Variants in FAM171B observed in about 807,000 individuals in gnomAD.
The protein encoded by FAM171B is protein FAM171B.
Under a neutral mutation model 75.6 loss-of-function variants are expected in FAM171B, and 19 were observed. The ratio of observed to expected loss-of-function variants is 0.25; its 90% CI spans 0.18 to 0.37. The LOEUF is 0.37. FAM171B is among the 10% of genes least tolerant of loss of function. The pLI, the probability that FAM171B is intolerant of heterozygous loss-of-function variation, is 1.00. For missense variants in FAM171B, 848 were observed against 982.4 expected, an observed-to-expected ratio of 0.86 and a Z score of 1.83; for synonymous variants, 367 against 361.7, an observed-to-expected ratio of 1.01 and a Z score of -0.17.
At chr2:186,752,038 G>T (rs557076024) in intron 5 of FAM171B, among the ~76,000 whole-genome samples, 5 of 152,240 alleles carry the variant, frequency 3.3e-5, no homozygotes, top group Admixed American at 3.3e-4. Flanking sequence ...TTTCTAGGAT[G>T]GGATTTCCCT....
chr2:186,697,160 A>T (rs1689595325), intron 1 of FAM171B, among the ~76,000 whole-genome samples: 2 of 152,216 alleles, frequency 1.3e-5, no homozygotes, highest in South Asian at 4.1e-4. Flanking sequence ...TTGTAAGTAG[A>T]AGTTATAAAG....
At position 186,761,119 on chromosome 2, in the gene FAM171B, G is replaced by A. The variant is rs566958360; in HGVS notation, c.1019G>A (p.Gly340Asp). Residue 340 changes from glycine (G) to aspartate (D), a missense_variant, in exon 7 of 8, where the codon GGT (glycine) becomes GAT (aspartate). By Grantham distance (94) the Gly-to-Asp change is moderately conservative. Coordinates refer to ENST00000304698, the MANE Select transcript of FAM171B (RefSeq NM_177454.4). ...AAPLPGTRGS[G>D]INEDSKDITA... ...TTTATATTGAACCATGTAGGTTCAGGTATAAATGAAGATTCCAAGGACATA... is the reference window on the plus strand; with the variant it reads ...TTTATATTGAACCATGTAGGTTCAGATATAAATGAAGATTCCAAGGACATA... The A allele has an allele frequency of 1.2e-6, 2 of 1,608,304 alleles. No homozygotes were observed. Among genetic ancestry groups the A allele is most frequent in the Non-Finnish European group, 1.7e-6 (2 of 1,177,488 alleles).
chr2:186,726,338 G>A (rs1690032595), intron 1 of FAM171B, among the ~76,000 whole-genome samples: 1 of 152,046 alleles, frequency 6.6e-6, no homozygotes, highest in Non-Finnish European at 1.5e-5. Flanking sequence ...TGGGGCTTAA[G>A]CAATGAAAAG....
At position 186,747,221 on chromosome 2, in the gene FAM171B, A is replaced by C; in HGVS notation, c.695A>C (p.His232Pro). The change falls in exon 4 of 8, where the codon CAT becomes CCT. Residue 232 changes from histidine (H) to proline (P), a missense_variant. This residue lies in a region of FAM171B where 665 missense variants were observed against 729.0 expected (regional missense o/e 0.91). Coordinates refer to ENST00000304698, the MANE Select transcript of FAM171B (RefSeq NM_177454.4). ...TTTTTGAAAGTGGACAATTTTCTGC[A>C]TACAACTGGAATTACTCTCAATAAA... is the stretch of plus-strand genomic sequence containing the variant. ...QQFLKVDNFL[H>P]TTGITLNKPG... The C allele has an allele frequency of 6.2e-7, 1 of 1,605,540 alleles. No individual in the cohort carries two copies. Among genetic ancestry groups the C allele is most frequent in the Non-Finnish European group, 8.5e-7 (1 of 1,177,194 alleles).
rs139775844 is a variant in FAM171B, at chr2:186,751,347, TG to T, written c.895+44del. On this transcript the variant is annotated intron_variant, in intron 5 of 7. Coordinates refer to ENST00000304698, the MANE Select transcript of FAM171B (RefSeq NM_177454.4). ...AAATAGTCTGAATATTTTACATATTTGTCAATTGACTAGCTGGATGTTTTAT... is the reference window on the plus strand; with the variant it reads ...AAATAGTCTGAATATTTTACATATTTTCAATTGACTAGCTGGATGTTTTAT... The T allele has an allele frequency of 3.6e-3, 5,204 of 1,453,088 alleles. 189 individuals are homozygous for T. The African/African-American group carries it at 0.067, about 19-fold the overall frequency. 90.0% of individuals were successfully genotyped at this position (1,453,088 alleles called of 1,614,324 possible). A position where few individuals can be genotyped will look rare whatever the true frequency, so the allele number is the denominator to read the frequency against.
At chr2:186,709,319 T>G (rs1689778869) in intron 1 of FAM171B, among the ~76,000 whole-genome samples, 1 of 152,178 alleles carries the variant, frequency 6.6e-6, no homozygotes, top group Non-Finnish European at 1.5e-5. Flanking sequence ...ATTTTACATT[T>G]TATTTCCTAT....
intron 1 of FAM171B, among the ~76,000 whole-genome samples, chr2:186,724,810 C>T (rs1690007415): frequency 6.6e-6 from 1 of 152,054 alleles, no homozygotes; most frequent in Admixed American, 6.5e-5. Context: ...CATTGTGGAT[C>T]AGAATGGATG....
chr2:186,742,929 A>G (rs1463589248), intron 2 of FAM171B, among the ~76,000 whole-genome samples: 1 of 152,118 alleles, frequency 6.6e-6, no homozygotes. Flanking sequence ...ATCCTGCATT[A>G]CTACTAAAGG....
At chr2:186,755,441 A>C (rs1035467017) in intron 6 of FAM171B, among the ~76,000 whole-genome samples, 4 of 152,216 alleles carry the variant, frequency 2.6e-5, no homozygotes, top group African/African-American at 9.6e-5. Context: ...GTCATTTTTC[A>C]GAGATAATTC....
chr2:186,705,228 T>C (rs545944383), intron 1 of FAM171B, among the ~76,000 whole-genome samples: 1 of 152,300 alleles, frequency 6.6e-6, no homozygotes, highest in African/African-American at 2.4e-5. Flanking sequence ...CATTAAAGGA[T>C]GGTTTATGCA....
Position 186,694,149 on chromosome 2 carries a change from C to T in FAM171B, c.-25C>T, listed in dbSNP as rs972423958. The T allele has an allele frequency of 6.5e-7, 1 of 1,528,030 alleles. No individual in the cohort carries two copies. Among genetic ancestry groups the T allele is most frequent in the Non-Finnish European group, 8.7e-7 (1 of 1,144,504 alleles). 94.7% of individuals were successfully genotyped at this position (1,528,030 alleles called of 1,614,324 possible). A position where few individuals can be genotyped will look rare whatever the true frequency, so the allele number is the denominator to read the frequency against. On this transcript the variant is annotated 5_prime_UTR_variant, in exon 1 of 8. Transcript: ENST00000304698. ...CGCCGCCCGGAGCCCCGCAATATGC[C>T]GCCGCGGCCCTCTGGCTCTAGGCCA...
intron 1 of FAM171B, among the ~76,000 whole-genome samples, chr2:186,700,390 T>C (rs1689639772): frequency 6.6e-6 from 1 of 152,174 alleles, no homozygotes. Flanking sequence ...AGTTTCTTCA[T>C]AGCCCCTTCC....
Position 186,743,521 on chromosome 2 carries a change from C to G in FAM171B, c.511C>G (p.Gln171Glu). 1 of 1,613,144 alleles carries G rather than the reference C, an allele frequency of 6.2e-7. No homozygotes were observed. The highest frequency in any genetic ancestry group is 1.1e-5 in the South Asian group (1 of 91,024). Residue 171 changes from glutamine to glutamate, a missense_variant, in exon 3 of 8, where the codon CAA (glutamine) becomes GAA (glutamate). By Grantham distance (29) the Gln-to-Glu change is conservative (BLOSUM62 2). This residue lies in a region of FAM171B where 665 missense variants were observed against 729.0 expected (regional missense o/e 0.91). Transcript: ENST00000304698. ...TACACTTTCACTGTTCCCGCAAAGC[C>G]AAGCAAATATATGGCTATTTGAAGA... ...SVTLSLFPQS[Q>E]ANIWLFEDTV... is the part of the protein sequence containing the mutation.
In FAM171B at chr2:186,709,167, C is replaced by T. The variant is rs1689774659; in HGVS notation, c.238+14756C>T. Among the ~76,000 whole-genome samples the T allele has an allele frequency of 2.6e-5, 4 of 152,054 alleles. No individual in the cohort carries two copies. The South Asian group carries it at 6.2e-4, about 24-fold the overall frequency. The stretch of plus-strand genomic sequence containing the variant: ...GTACTGACTATTGCAAGGACAGCAC[C>T]CAGGGCATGGTGCTACATGAGAAAT... On this transcript the variant is annotated intron_variant, in intron 1 of 7. Transcript: ENST00000304698.
intron 1 of FAM171B, among the ~76,000 whole-genome samples, chr2:186,727,110 C>G (rs781296964): frequency 6.6e-6 from 1 of 152,016 alleles, no homozygotes; most frequent in Non-Finnish European, 1.5e-5. Context: ...CATGCTAACT[C>G]TTATTTAGCT....
chr2:186,744,940 T>G lies in FAM171B; in HGVS notation c.565+1365T>G, dbSNP rs142832898. On this transcript the variant is annotated intron_variant, in intron 3 of 7. Transcript: ENST00000304698. ...CTACCTCCTGGACTCAAGTGATCCTTCCACCTCAGCCTCCCAAGTAGCTGA... is the reference window on the plus strand; with the variant it reads ...CTACCTCCTGGACTCAAGTGATCCTGCCACCTCAGCCTCCCAAGTAGCTGA... Among the ~76,000 whole-genome samples, 17 of 150,306 alleles carry G rather than the reference T, an allele frequency of 1.1e-4. No individual in the cohort carries two copies. In the East Asian group the frequency reaches 3.4e-3, roughly 30 times the overall value.
intron 6 of FAM171B, among the ~76,000 whole-genome samples, chr2:186,758,255 G>A (rs779942649): frequency 1.6e-4 from 24 of 152,036 alleles, no homozygotes; most frequent in Admixed American, 4.6e-4. Context: ...AGATACAAAA[G>A]AAATGAAACT....
rs71017336 is a variant in FAM171B, at chr2:186,694,320, GCAA to G, written c.162_164del (p.Gln56del). The G allele has an allele frequency of 1.3e-6, 2 of 1,570,296 alleles. No homozygotes were observed. Among genetic ancestry groups the G allele is most frequent in the Non-Finnish European group, 8.7e-7 (1 of 1,152,196 alleles). ...TCATCCAACAGCAGCAGCAGCAGCA[GCAA>G]CAACAACAACAACAGCAAAAGCAGC... is the stretch of plus-strand genomic sequence containing the variant. On this transcript the variant is annotated inframe_deletion, in exon 1 of 8. Coordinates refer to ENST00000304698, the MANE Select transcript of FAM171B (RefSeq NM_177454.4).
At chr2:186,697,005 CGGAT>C (rs1209065137) in intron 1 of FAM171B, among the ~76,000 whole-genome samples, 59 of 70,706 alleles carry the variant, frequency 8.3e-4, no homozygotes, top group African/African-American at 3.9e-3. Context: ...AATGGATGGA[CGGAT>C]GGATGGATGG....
Sources: gnomAD v4.1 joint callset for allele counts (sites outside exome capture counted in the v4.1 genomes callset) on GRCh38, gnomAD v4.1.1 for gene constraint, gnomAD v4.1.1 regional missense constraint, MANE v1.5 for transcripts, NCBI Gene and HGNC (gene_info 2026-07-23, HGNC 2026-07-21) for gene names.